TXLNB: variants seen among roughly 807,000 people sequenced by gnomAD.
TXLNB encodes the protein taxilin beta, also known as beta-taxilin.
Under a neutral mutation model 57.4 loss-of-function variants are expected in TXLNB, and 37 were observed. That is an observed-to-expected ratio of 0.64 (90% CI 0.50 to 0.85). The LOEUF is 0.85. Among genes scored for constraint, TXLNB ranks in the 40% least tolerant of loss-of-function variants. The probability of loss-of-function intolerance (pLI) is 0.00; values close to 1 mark genes in which losing one functional copy is unlikely to be tolerated. For synonymous variants in TXLNB, 302 were observed against 309.6 expected (o/e 0.98, Z 0.26); for missense variants, 848 against 825.6 (o/e 1.03, Z -0.33).
At chr6:139,201,761 GGTTT>G in the TXLNB span, 1 of 152,116 alleles carries the variant, frequency 6.6e-6, no homozygotes, top group African/African-American at 2.4e-5. Context: ...TTGGTTGGTT[GGTTT>G]GTCTGTATTT....
chr6:139,207,398 A>T, the TXLNB span, among the ~76,000 whole-genome samples: 1 of 152,236 alleles, frequency 6.6e-6, no homozygotes, highest in Non-Finnish European at 1.5e-5. Flanking sequence ...ATTAATAATG[A>T]AATCAAGATG....
chr6:139,190,177 T>TA, the TXLNB span, among the ~76,000 whole-genome samples: 2 of 152,202 alleles, frequency 1.3e-5, no homozygotes, highest in African/African-American at 4.8e-5. Context: ...CAGGCTGCTA[T>TA]AACAATACCT....
At chr6:139,171,194 C>A in the TXLNB span, among the ~76,000 whole-genome samples, 2 of 151,320 alleles carry the variant, frequency 1.3e-5, no homozygotes, top group Non-Finnish European at 2.9e-5. Context: ...TGGTTAAAAT[C>A]CTAAGGGTGG....
downstream of TXLNB, among the ~76,000 whole-genome samples, chr6:139,238,048 T>C (rs1014390707): frequency 1.3e-5 from 2 of 152,196 alleles, no homozygotes; most frequent in African/African-American, 4.8e-5. Context: ...GAAATGATTC[T>C]TTTTTATAGT....
intron 6 of TXLNB, among the ~76,000 whole-genome samples, chr6:139,256,796 G>A (rs1190884278): frequency 6.6e-6 from 1 of 152,322 alleles, no homozygotes; most frequent in South Asian, 2.1e-4. Context: ...TATTAAAAAT[G>A]CAGATGCCTC....
the TXLNB span, among the ~76,000 whole-genome samples, chr6:139,316,623 C>G: frequency 6.6e-6 from 1 of 152,152 alleles, no homozygotes; most frequent in African/African-American, 2.4e-5. Context: ...CCTTACTGTG[C>G]TTTAACAAGT....
intron 4 of TXLNB, among the ~76,000 whole-genome samples, chr6:139,268,458 G>A (rs1776672858): frequency 6.6e-6 from 1 of 152,014 alleles, no homozygotes; most frequent in Non-Finnish European, 1.5e-5. Context: ...AGTACATATG[G>A]TATCAAGATA....
chr6:139,303,638 C>A, the TXLNB span, among the ~76,000 whole-genome samples: 1 of 151,336 alleles, frequency 6.6e-6, no homozygotes, highest in Non-Finnish European at 1.5e-5. Flanking sequence ...TTATAAATTA[C>A]TTAATATTTA....
chr6:139,255,270 A>G, intron 7 of TXLNB: 1 of 413,800 alleles, frequency 2.4e-6, no homozygotes, highest in Non-Finnish European at 4.6e-6. Context: ...GAAGTGCTAG[A>G]TGGGAACCTG....
At chr6:139,221,784 A>G in the TXLNB span, among the ~76,000 whole-genome samples, 4 of 152,204 alleles carry the variant, frequency 2.6e-5, no homozygotes, top group East Asian at 7.7e-4. Flanking sequence ...ATAATTGAAG[A>G]GAGAATGATC....
the TXLNB span, among the ~76,000 whole-genome samples, chr6:139,192,912 G>A: frequency 1.3e-5 from 2 of 151,490 alleles, no homozygotes; most frequent in African/African-American, 2.4e-5. Flanking sequence ...GCAGTGAGCC[G>A]AGATTGTGCC....
At position 139,285,044 on chromosome 6, in the gene TXLNB, A is replaced by G. The variant is rs138825957; in HGVS notation, c.424+3432T>C. 3.8e-3 allele frequency among the ~76,000 whole-genome samples: 549 copies of G among 145,442 alleles called. 61 individuals carry two copies. The highest frequency in any genetic ancestry group is 0.013 in the African/African-American group (503 of 39,512). The stretch of plus-strand genomic sequence containing the variant: ...AGAGTGGACACACCTAGGTACTCTA[A>G]TCCACAAGCATTGATTTTGGTCAAA... On this transcript the variant is annotated intron_variant, in intron 2 of 9. Coordinates refer to ENST00000358430, the MANE Select transcript of TXLNB (RefSeq NM_153235.4).
chr6:139,255,496 T>C lies in TXLNB; in HGVS notation c.1077+68A>G, dbSNP rs534790924. 9.6e-5 allele frequency: 134 copies of C among 1,388,900 alleles called. No individual in the cohort carries two copies. In the African/African-American group the frequency reaches 1.8e-3, roughly 18 times the overall value. The allele number at this position is 1,388,900 out of a possible 1,614,324, so 86.0% of individuals were successfully genotyped here. A position where few individuals can be genotyped will look rare whatever the true frequency, so the allele number is the denominator to read the frequency against. ...ATAGGAGGACTTCTGCTGCCCACCTTTGGCCCCAGCCTTTTTATCTGGGGA... is the reference window on the plus strand; with the variant it reads ...ATAGGAGGACTTCTGCTGCCCACCTCTGGCCCCAGCCTTTTTATCTGGGGA... On this transcript the variant is annotated intron_variant, in intron 7 of 9. Coordinates refer to ENST00000358430, the MANE Select transcript of TXLNB (RefSeq NM_153235.4).
At chr6:139,217,684 C>T in the TXLNB span, among the ~76,000 whole-genome samples, 2 of 151,758 alleles carry the variant, frequency 1.3e-5, no homozygotes, top group Middle Eastern at 3.5e-3. Context: ...CTGGCTAACG[C>T]GGTGAAACCC....
chr6:139,317,054 G>A, the TXLNB span, among the ~76,000 whole-genome samples: 18 of 152,254 alleles, frequency 1.2e-4, no homozygotes, highest in South Asian at 2.1e-4. Context: ...GAATATAAGC[G>A]ATAAAGCAGA....
the TXLNB span, among the ~76,000 whole-genome samples, chr6:139,213,950 G>T: frequency 6.6e-6 from 1 of 152,160 alleles, no homozygotes; most frequent in Admixed American, 6.5e-5. Flanking sequence ...TCTCTGAATA[G>T]ACCAATAACA....
At chr6:139,266,410 C>G (rs1388507360) in intron 4 of TXLNB, among the ~76,000 whole-genome samples, 1 of 151,972 alleles carries the variant, frequency 6.6e-6, no homozygotes, top group South Asian at 2.1e-4. Context: ...AAAAAAGAAC[C>G]AAATGGAAAT....
the TXLNB span, among the ~76,000 whole-genome samples, chr6:139,307,014 C>G: frequency 2.0e-5 from 3 of 152,110 alleles, no homozygotes; most frequent in African/African-American, 7.2e-5. Context: ...GATCATTATT[C>G]CAGCTTATTG....
chr6:139,309,022 T>A, the TXLNB span, among the ~76,000 whole-genome samples: 1 of 152,210 alleles, frequency 6.6e-6, no homozygotes, highest in Non-Finnish European at 1.5e-5. Context: ...CATTCCCTAT[T>A]TGACAGCTAG....
Sources: gnomAD v4.1 joint callset for allele counts (sites outside exome capture counted in the v4.1 genomes callset) on GRCh38, gnomAD v4.1.1 for gene constraint, MANE v1.5 for transcripts, NCBI Gene and HGNC (gene_info 2026-07-23, HGNC 2026-07-21) for gene names.